Variants in MDGA2 observed in about 807,000 individuals in gnomAD.
MDGA2 encodes the protein MAM domain containing glycosylphosphatidylinositol anchor 2.
A neutral mutation model predicts 117.8 loss-of-function variants in MDGA2; 40 were observed. The ratio of observed to expected loss-of-function variants is 0.34; its 90% confidence interval spans 0.26 to 0.44. The LOEUF is 0.44. Among genes scored for constraint, MDGA2 ranks in the 20% least tolerant of loss-of-function variants. The probability of loss-of-function intolerance (pLI) is 1.00; values close to 1 mark genes in which losing one functional copy is unlikely to be tolerated. For synonymous variants in MDGA2, 452 were observed against 439.0 expected (o/e 1.03, Z -0.37); for missense variants, 1,123 against 1,250.6 (o/e 0.90, Z 1.54).
chr14:47,196,128 T>C (rs1320851729), intron 3 of MDGA2, among the ~76,000 whole-genome samples: 2 of 152,158 alleles, frequency 1.3e-5, no homozygotes, highest in Non-Finnish European at 2.9e-5. Flanking sequence ...TTTTAAAAAG[T>C]GTTTTCTGCT....
intron 3 of MDGA2, among the ~76,000 whole-genome samples, chr14:47,174,875 G>C (rs1041886704): frequency 2.4e-4 from 37 of 151,654 alleles, no homozygotes; most frequent in African/African-American, 8.2e-4. Context: ...TTTTTTGAAA[G>C]GATCAACAAA....
At chr14:46,938,711 TCAAAAAACTA>T (rs1225811394) in intron 9 of MDGA2, among the ~76,000 whole-genome samples, 1 of 151,900 alleles carries the variant, frequency 6.6e-6, no homozygotes, top group Non-Finnish European at 1.5e-5. Context: ...TGGAGGTTCC[TCAAAAAACTA>T]CAAATGAAAG....
At chr14:47,114,678 C>T (rs912460794) in intron 5 of MDGA2, among the ~76,000 whole-genome samples, 1 of 152,052 alleles carries the variant, frequency 6.6e-6, no homozygotes, top group Non-Finnish European at 1.5e-5. Flanking sequence ...GGAAAAGATT[C>T]CCTATTTAAT....
At chr14:47,163,581 G>A (rs898081186) in intron 3 of MDGA2, among the ~76,000 whole-genome samples, 2 of 152,084 alleles carry the variant, frequency 1.3e-5, no homozygotes, top group African/African-American at 4.8e-5. Context: ...TGATCCTGAG[G>A]CCGCCCCAGC....
At chr14:47,447,428 G>A (rs1236656556) in intron 1 of MDGA2, among the ~76,000 whole-genome samples, 2 of 152,152 alleles carry the variant, frequency 1.3e-5, no homozygotes, top group Non-Finnish European at 2.9e-5. Flanking sequence ...AGGTGCCAGT[G>A]GGTTATTGGG....
chr14:47,032,152 G>C (rs1239144555), intron 8 of MDGA2, among the ~76,000 whole-genome samples: 1 of 152,006 alleles, frequency 6.6e-6, no homozygotes, highest in African/African-American at 2.4e-5. Context: ...TGCTAAGGAT[G>C]ATACAAAATA....
At chr14:47,186,704 C>T (rs562076739) in intron 3 of MDGA2, among the ~76,000 whole-genome samples, 1 of 152,008 alleles carries the variant, frequency 6.6e-6, no homozygotes, top group Non-Finnish European at 1.5e-5. Context: ...ACCAATGTGC[C>T]TTAAACACCA....
rs1894769845 is a variant in MDGA2, at chr14:47,517,114, C to T, written c.280+157403G>A. Among the ~76,000 whole-genome samples the T allele has an allele frequency of 3.3e-5, 5 of 152,076 alleles. No homozygotes were observed. In the South Asian group the frequency reaches 1.0e-3, roughly 31 times the overall value. On this transcript the variant is annotated intron_variant, in intron 1 of 16. Coordinates refer to ENST00000399232, the MANE Select transcript of MDGA2 (RefSeq NM_001113498.3). ...GTTTTCACATATGATTATTTATCCT[C>T]CTTTTAGACTGAAAATACCAGTCAG...
At chr14:47,549,343 ATCTCTCTCTC>A (rs3039661) in intron 1 of MDGA2, among the ~76,000 whole-genome samples, 3 of 140,112 alleles carry the variant, frequency 2.1e-5, no homozygotes, top group African/African-American at 8.1e-5. Flanking sequence ...CACCAGTATT[ATCTCTCTCTC>A]TCTCTCTCTC....
intron 1 of MDGA2, among the ~76,000 whole-genome samples, chr14:47,589,358 T>C (rs1896392921): frequency 6.6e-6 from 1 of 152,048 alleles, no homozygotes; most frequent in Non-Finnish European, 1.5e-5. Flanking sequence ...AATTTCTGCA[T>C]ATGGTGTAAA....
intron 5 of MDGA2, among the ~76,000 whole-genome samples, chr14:47,102,177 A>T (rs1238680504): frequency 6.6e-6 from 1 of 152,130 alleles, no homozygotes; most frequent in Non-Finnish European, 1.5e-5. Flanking sequence ...TAATTATGAA[A>T]AAGGAACCCA....
chr14:46,872,433 G>T (rs1285906634), intron 14 of MDGA2, among the ~76,000 whole-genome samples: 1 of 151,776 alleles, frequency 6.6e-6, no homozygotes, highest in East Asian at 1.9e-4. Context: ...TTGTATTGAT[G>T]CAGTGACTCA....
chr14:47,211,875 TA>T (rs556854672), intron 3 of MDGA2, among the ~76,000 whole-genome samples: 10 of 152,322 alleles, frequency 6.6e-5, no homozygotes, highest in Middle Eastern at 3.4e-3. Context: ...TGGCATAATT[TA>T]TGTTATTAAC....
At chr14:47,288,860 CT>C (rs1413692607) in intron 2 of MDGA2, among the ~76,000 whole-genome samples, 1 of 152,036 alleles carries the variant, frequency 6.6e-6, no homozygotes, top group Non-Finnish European at 1.5e-5. Context: ...TATAAGTTAA[CT>C]TTTTCAGATC....
chr14:47,301,198 A>T (rs1206063985), intron 2 of MDGA2, among the ~76,000 whole-genome samples: 2 of 152,106 alleles, frequency 1.3e-5, no homozygotes, highest in Non-Finnish European at 2.9e-5. Context: ...CTTATACAAA[A>T]GAATAGCTCA....
At chr14:46,907,617 T>A (rs748209467) in intron 10 of MDGA2, among the ~76,000 whole-genome samples, 2 of 152,212 alleles carry the variant, frequency 1.3e-5, no homozygotes, top group Non-Finnish European at 2.9e-5. Flanking sequence ...TGCATACTTA[T>A]GTGTTGCTCT....
chr14:47,501,805 T>A (rs1040241694), intron 1 of MDGA2, among the ~76,000 whole-genome samples: 1 of 152,052 alleles, frequency 6.6e-6, no homozygotes, highest in Admixed American at 6.6e-5. Context: ...TGCTGAAACC[T>A]TGATTTCAGA....
intron 7 of MDGA2, among the ~76,000 whole-genome samples, chr14:47,041,423 C>A (rs78778692): frequency 0.02 from 3,044 of 151,994 alleles, 104 homozygotes; most frequent in African/African-American, 0.069. Context: ...CATGTAAGAT[C>A]CCCATTTATG....
intron 1 of MDGA2, among the ~76,000 whole-genome samples, chr14:47,669,281 A>T (rs1451979586): frequency 6.6e-6 from 1 of 152,212 alleles, no homozygotes; most frequent in Admixed American, 6.5e-5. Flanking sequence ...AAGCAAAGAA[A>T]TCAAGATCAT....
Sources: allele counts gnomAD v4.1 joint callset (sites outside exome capture counted in the v4.1 genomes callset), GRCh38; gene constraint gnomAD v4.1.1; transcripts MANE v1.5; gene names NCBI Gene and HGNC (gene_info 2026-07-23, HGNC 2026-07-21).